Variants in MTHFD1L observed in about 807,000 individuals in gnomAD.
MTHFD1L encodes the protein monofunctional C1-tetrahydrofolate synthase, mitochondrial.
Under a neutral mutation model 119.5 loss-of-function variants are expected in MTHFD1L, and 81 were observed. That is an observed-to-expected ratio of 0.68 (90% CI 0.57 to 0.82). The LOEUF (loss-of-function observed/expected upper bound fraction) is 0.82. Among genes scored for constraint, MTHFD1L ranks in the 40% least tolerant of loss-of-function variants. The probability of loss-of-function intolerance (pLI) is 0.00; values close to 1 mark genes in which losing one functional copy is unlikely to be tolerated. For synonymous variants in MTHFD1L, 430 were observed against 475.2 expected (o/e 0.90, Z 1.24); for missense variants, 1,125 against 1,253.4 (o/e 0.90, Z 1.55).
intron 26 of MTHFD1L, among the ~76,000 whole-genome samples, chr6:151,090,851 G>T (rs1794318320): frequency 6.9e-6 from 1 of 145,404 alleles, no homozygotes. Context: ...ATCGCTCCAT[G>T]TGACTGGGTG....
At chr6:150,880,666 G>A (rs1781263102) in intron 4 of MTHFD1L, among the ~76,000 whole-genome samples, 1 of 152,174 alleles carries the variant, frequency 6.6e-6, no homozygotes, top group Non-Finnish European at 1.5e-5. Flanking sequence ...TTAATTTTGT[G>A]AGAAATCTTC....
intron 26 of MTHFD1L, among the ~76,000 whole-genome samples, chr6:151,076,233 C>CTG (rs1554298735): frequency 3.3e-5 from 5 of 151,850 alleles, no homozygotes; most frequent in Non-Finnish European, 2.9e-5. Flanking sequence ...TTGTGGTGGC[C>CTG]TAGCTGCTCA....
chr6:151,017,657 A>C (rs9397373), intron 24 of MTHFD1L, among the ~76,000 whole-genome samples: 54,988 of 151,354 alleles, frequency 0.36, 10,535 homozygotes, highest in East Asian at 0.58. Context: ...AATTTCCTTT[A>C]TTTTTCGGGC....
chr6:151,015,885 G>A (rs1782976692), intron 24 of MTHFD1L, among the ~76,000 whole-genome samples, 192 bp downstream of exon 24: 1 of 152,090 alleles, frequency 6.6e-6, no homozygotes, highest in African/African-American at 2.4e-5. Context: ...TCAGGAGTTC[G>A]AGACCAGCCT....
At chr6:150,979,610 A>G (rs1482196241) in intron 20 of MTHFD1L, among the ~76,000 whole-genome samples, 1 of 151,818 alleles carries the variant, frequency 6.6e-6, no homozygotes, top group African/African-American at 2.4e-5. Flanking sequence ...AAGCGATTCT[A>G]CTGCCTTAGC....
chr6:151,065,927 AC>A (rs1791182774), intron 26 of MTHFD1L, among the ~76,000 whole-genome samples: 1 of 152,104 alleles, frequency 6.6e-6, no homozygotes, highest in Admixed American at 6.5e-5. Flanking sequence ...GGCAAAGACT[AC>A]TCTTCAATTC....
At chr6:150,938,356 A>T (rs1420867606) in intron 12 of MTHFD1L, among the ~76,000 whole-genome samples, 1 of 152,248 alleles carries the variant, frequency 6.6e-6, no homozygotes, top group Non-Finnish European at 1.5e-5. Flanking sequence ...CTCAGATATG[A>T]AATCATATAC....
chr6:151,019,187 G>C (rs1307083383), intron 24 of MTHFD1L, among the ~76,000 whole-genome samples: 1 of 117,672 alleles, frequency 8.5e-6, no homozygotes, highest in Non-Finnish European at 2.0e-5. Context: ...TGTAGGGAGA[G>C]TCACCCCCAG....
intron 24 of MTHFD1L, among the ~76,000 whole-genome samples, chr6:151,017,368 TG>T (rs1783245917): frequency 6.6e-6 from 1 of 151,330 alleles, no homozygotes; most frequent in Admixed American, 6.6e-5. Context: ...TTTTTTGAGA[TG>T]GAGTTTCGCT....
intron 20 of MTHFD1L, among the ~76,000 whole-genome samples, chr6:150,989,579 G>A (rs915736554): frequency 6.6e-6 from 1 of 152,194 alleles, no homozygotes; most frequent in African/African-American, 2.4e-5. Flanking sequence ...ATGTAAATAT[G>A]TAAATGTCAA....
chr6:150,999,002 A>G (rs970806724), intron 20 of MTHFD1L, among the ~76,000 whole-genome samples: 2,557 of 150,532 alleles, frequency 0.017, 92 homozygotes, highest in African/African-American at 0.057. Flanking sequence ...AAAAATATAT[A>G]TACATATATA....
At chr6:150,961,239 G>A (rs1396952446) in intron 18 of MTHFD1L, among the ~76,000 whole-genome samples, 4 of 151,926 alleles carry the variant, frequency 2.6e-5, no homozygotes, top group East Asian at 1.9e-4. Context: ...GATTACAGGC[G>A]CACGCCACCA....
At chr6:151,082,667 A>G (rs1175811551) in intron 26 of MTHFD1L, among the ~76,000 whole-genome samples, 1 of 152,174 alleles carries the variant, frequency 6.6e-6, no homozygotes, top group East Asian at 1.9e-4. Flanking sequence ...CAATTCTATA[A>G]TAAAATAACA....
At chr6:150,901,311 A>G (rs1345963362) in intron 7 of MTHFD1L, among the ~76,000 whole-genome samples, 1 of 152,178 alleles carries the variant, frequency 6.6e-6, no homozygotes, top group Non-Finnish European at 1.5e-5. Flanking sequence ...TCTACAAAAA[A>G]TATTTAAAAA....
chr6:151,010,903 C>T (rs765824765), intron 21 of MTHFD1L, among the ~76,000 whole-genome samples: 33 of 152,168 alleles, frequency 2.2e-4, no homozygotes, highest in Non-Finnish European at 1.3e-4. Context: ...AAACAAGTAG[C>T]AGGTTTGCCA....
intron 26 of MTHFD1L, among the ~76,000 whole-genome samples, chr6:151,043,137 C>T (rs764525746): frequency 2.0e-5 from 3 of 152,088 alleles, no homozygotes; most frequent in Admixed American, 1.3e-4. Context: ...GCAAACCCCA[C>T]ATTCCACTAA....
chr6:151,031,218 G>A (rs1036482296), intron 24 of MTHFD1L, among the ~76,000 whole-genome samples: 9 of 152,168 alleles, frequency 5.9e-5, no homozygotes, highest in African/African-American at 1.9e-4. Context: ...CACTCAAAAC[G>A]ACTTCCTTCT....
At chr6:150,894,386 G>T (rs1583427254) in intron 7 of MTHFD1L, among the ~76,000 whole-genome samples, 1 of 152,148 alleles carries the variant, frequency 6.6e-6, no homozygotes, top group Non-Finnish European at 1.5e-5. Context: ...CTGTCTGTGA[G>T]GTCTCCCAGC....
intron 1 of MTHFD1L, among the ~76,000 whole-genome samples, chr6:150,869,483 A>G (rs79711688): frequency 0.12 from 17,801 of 152,122 alleles, 1,360 homozygotes; most frequent in African/African-American, 0.22. Context: ...AGCTTCTTCC[A>G]TGTCCCTGCA....
Sources: gnomAD v4.1 joint callset for allele counts (sites outside exome capture counted in the v4.1 genomes callset) on GRCh38, gnomAD v4.1.1 for gene constraint, MANE v1.5 for transcripts, NCBI Gene and HGNC (gene_info 2026-07-23, HGNC 2026-07-21) for gene names.